The following PSMA1 variants were observed in gnomAD, a reference collection of about 807,000 sequenced individuals.
PSMA1 encodes proteasome subunit alpha type-1.
PSMA1 carries 3 observed loss-of-function variants against 38.4 expected under a neutral mutation model. The observed-to-expected ratio is 0.08, with a 90% CI of 0.04 to 0.20. The LOEUF (loss-of-function observed/expected upper bound fraction) is 0.20, where lower values mean the gene tolerates loss of function less well. Ranked by LOEUF, PSMA1 falls within the 10% of genes least tolerant of loss-of-function variation. The pLI, the probability that PSMA1 is intolerant of heterozygous loss-of-function variation, is 1.00. For synonymous variants in PSMA1, 101 were observed against 107.1 expected (o/e 0.94, Z 0.35); for missense variants, 227 against 325.3 (o/e 0.70, Z 2.32).
chr11:14,553,550 G>T (rs1851911592), intron 2 of PSMA1, among the ~76,000 whole-genome samples: 2 of 151,752 alleles, frequency 1.3e-5, no homozygotes, highest in Non-Finnish European at 2.9e-5. Context: ...AGGAATGTTA[G>T]ATAAATGAAA....
At chr11:14,597,652 G>T (rs1266094451) in intron 2 of PSMA1, among the ~76,000 whole-genome samples, 1 of 151,684 alleles carries the variant, frequency 6.6e-6, no homozygotes, top group Admixed American at 6.6e-5. Flanking sequence ...TATTAGTCTT[G>T]CTAGCGGTCT....
intron 7 of PSMA1, among the ~76,000 whole-genome samples, chr11:14,511,949 T>C (rs1255315125): frequency 6.6e-6 from 1 of 152,226 alleles, no homozygotes; most frequent in Non-Finnish European, 1.5e-5. Context: ...CAACTGTATT[T>C]CTATATAGTT....
chr11:14,620,401 C>G (rs1852830181), intron 1 of PSMA1, among the ~76,000 whole-genome samples: 1 of 152,154 alleles, frequency 6.6e-6, no homozygotes, highest in Non-Finnish European at 1.5e-5. Context: ...TGGGATGTTG[C>G]AAAAGAAACC....
intron 1 of PSMA1, among the ~76,000 whole-genome samples, chr11:14,637,586 G>A (rs191783087): frequency 3.9e-5 from 6 of 151,998 alleles, no homozygotes; most frequent in Admixed American, 3.3e-4. Context: ...AATTGGTTAC[G>A]GCTTAATTTT....
At position 14,519,175 on chromosome 11, in the gene PSMA1, T is replaced by C. The variant is rs1025409060; in HGVS notation, c.4-134A>G. 3 of 762,130 alleles carry C rather than the reference T, an allele frequency of 3.9e-6. No individual in the cohort carries two copies. The African/African-American group carries it at 5.2e-5, about 13-fold the overall frequency. 47.2% of individuals were successfully genotyped at this position (762,130 alleles called of 1,614,324 possible). On this transcript the variant is annotated intron_variant, in intron 1 of 9. Coordinates refer to ENST00000396394, the MANE Select transcript of PSMA1 (RefSeq NM_002786.4). ...TGTTCATGCAGTCTTACTGGAAGATTACTACTGTACTCAGATGTAAGCCAA... is the reference window on the plus strand; with the variant it reads ...TGTTCATGCAGTCTTACTGGAAGATCACTACTGTACTCAGATGTAAGCCAA...
intron 4 of PSMA1, among the ~76,000 whole-genome samples, chr11:14,516,169 C>T (rs964511560): frequency 3.2e-4 from 48 of 151,356 alleles, no homozygotes; most frequent in Non-Finnish European, 1.6e-4. Flanking sequence ...GAGATCATAC[C>T]ACTGCACTCT....
intron 2 of PSMA1, among the ~76,000 whole-genome samples, chr11:14,546,500 C>A (rs1013793471): frequency 6.6e-6 from 1 of 152,044 alleles, no homozygotes; most frequent in Non-Finnish European, 1.5e-5. Flanking sequence ...TACAATGGCA[C>A]GATCTCGGCT....
intron 2 of PSMA1, among the ~76,000 whole-genome samples, chr11:14,535,279 C>T (rs1851691473): frequency 6.6e-6 from 1 of 151,686 alleles, no homozygotes; most frequent in African/African-American, 2.4e-5. Flanking sequence ...ATTTTCCTCC[C>T]TCAGTGTGTG....
At chr11:14,549,623 C>A (rs1000576142) in intron 2 of PSMA1, among the ~76,000 whole-genome samples, 1 of 151,418 alleles carries the variant, frequency 6.6e-6, no homozygotes, top group Non-Finnish European at 1.5e-5. Flanking sequence ...ATGGTGCGAA[C>A]CTGGGAGGCA....
intron 1 of PSMA1, 69 bp downstream of exon 1, chr11:14,520,228 A>G: frequency 6.2e-7 from 1 of 1,604,042 alleles, no homozygotes; most frequent in East Asian, 2.2e-5. Flanking sequence ...ATGACAGGAG[A>G]GGTGGCTCGT....
At chr11:14,522,816 C>T (rs957184659), upstream of PSMA1, among the ~76,000 whole-genome samples, 9 of 152,112 alleles carry the variant, frequency 5.9e-5, no homozygotes, top group Non-Finnish European at 1.3e-4. Flanking sequence ...ATAAAAGAAA[C>T]CCACTGAATC....
chr11:14,543,757 T>C (rs1851797013), intron 2 of PSMA1, among the ~76,000 whole-genome samples: 1 of 152,246 alleles, frequency 6.6e-6, no homozygotes, highest in South Asian at 2.1e-4. Context: ...ATCAGGTCCT[T>C]GAATAAGACT....
chr11:14,541,616 C>T (rs1193616956), intron 2 of PSMA1, among the ~76,000 whole-genome samples: 1 of 152,218 alleles, frequency 6.6e-6, no homozygotes, highest in Non-Finnish European at 1.5e-5. Context: ...ACTCTTTTCC[C>T]CCACATTCTT....
intron 2 of PSMA1, among the ~76,000 whole-genome samples, chr11:14,558,798 T>C (rs1851971963): frequency 1.3e-5 from 2 of 152,258 alleles, no homozygotes; most frequent in Non-Finnish European, 2.9e-5. Flanking sequence ...CCAGTTGGTC[T>C]TTGAAGACTG....
chr11:14,588,520 G>A (rs1282898073), intron 2 of PSMA1, among the ~76,000 whole-genome samples: 4 of 152,074 alleles, frequency 2.6e-5, no homozygotes, highest in African/African-American at 9.7e-5. Context: ...AGAAAAAACA[G>A]AGTTTGGAGA....
intron 2 of PSMA1, among the ~76,000 whole-genome samples, chr11:14,528,205 G>C (rs536664966): frequency 6.6e-6 from 1 of 151,750 alleles, no homozygotes; most frequent in South Asian, 2.1e-4. Flanking sequence ...AAAACTCAAG[G>C]ATAGAGCCCA....
chr11:14,520,145 G>A (rs1851504153), intron 1 of PSMA1, 152 bp downstream of exon 1: 1 of 1,238,902 alleles, frequency 8.1e-7, no homozygotes, highest in African/African-American at 1.5e-5. Flanking sequence ...CCAGGCCGGA[G>A]ATGCTGAATC....
intron 2 of PSMA1, among the ~76,000 whole-genome samples, chr11:14,601,802 C>T (rs1011617820): frequency 6.6e-6 from 1 of 152,180 alleles, no homozygotes; most frequent in African/African-American, 2.4e-5. Context: ...TCCAAGTTGT[C>T]TAACTCTCAA....
chr11:14,547,078 C>T (rs144530606), intron 2 of PSMA1, among the ~76,000 whole-genome samples: 139 of 152,266 alleles, frequency 9.1e-4, no homozygotes, highest in Admixed American at 1.9e-3. Flanking sequence ...AATATGCATA[C>T]ACAAATACAG....
Sources: gnomAD v4.1 joint callset for allele counts (sites outside exome capture counted in the v4.1 genomes callset) on GRCh38, gnomAD v4.1.1 for gene constraint, MANE v1.5 for transcripts, NCBI Gene and HGNC (gene_info 2026-07-23, HGNC 2026-07-21) for gene names.